The following LRP1B variants were observed in gnomAD, a reference collection of about 807,000 sequenced individuals.
The protein encoded by LRP1B is low-density lipoprotein receptor-related protein 1B.
In LRP1B, 217 loss-of-function variants were observed where a neutral mutation model predicts 556.6. The observed-to-expected ratio is 0.39, with a 90% CI of 0.35 to 0.44. The LOEUF (loss-of-function observed/expected upper bound fraction) is 0.44. Ranked by LOEUF, LRP1B falls within the 20% of genes least tolerant of loss-of-function variation. The pLI, the probability that LRP1B is intolerant of heterozygous loss-of-function variation, is 1.00. For synonymous variants in LRP1B, 2,047 were observed against 1,865.8 expected (o/e 1.10, Z -2.50); for missense variants, 5,053 against 5,620.8 (o/e 0.90, Z 3.23).
intron 29 of LRP1B, among the ~76,000 whole-genome samples, chr2:140,848,221 T>C (rs1692335108): frequency 6.6e-6 from 1 of 152,176 alleles, no homozygotes. Flanking sequence ...ATTTCATCAG[T>C]CATTATTGTT....
chr2:141,893,341 C>T (rs919365421), intron 1 of LRP1B, among the ~76,000 whole-genome samples: 3 of 152,116 alleles, frequency 2.0e-5, no homozygotes, highest in Non-Finnish European at 4.4e-5. Context: ...GTTGGGATTA[C>T]AGGCGTGTGC....
In LRP1B at chr2:140,908,272, C is replaced by T. The variant is rs974124049; in HGVS notation, c.3320-195G>A. On this transcript the variant is annotated intron_variant, in intron 21 of 90. Transcript: ENST00000389484. ...TTTCTTGCCCTGGTCTTAAAGTGCT[C>T]TTATTGTTTGAGCTTTGATATTTTC... Among the ~76,000 whole-genome samples, 6 of 150,424 alleles carry T rather than the reference C, an allele frequency of 4.0e-5. No homozygotes were observed. In the Admixed American group the frequency reaches 4.0e-4, roughly 10 times the overall value.
intron 14 of LRP1B, among the ~76,000 whole-genome samples, chr2:141,011,976 A>C (rs925179971): frequency 6.6e-6 from 1 of 152,200 alleles, no homozygotes; most frequent in Non-Finnish European, 1.5e-5. Context: ...TACCTACCAT[A>C]ATTTGTTTGT....
chr2:141,317,790 G>A (rs559048231), intron 3 of LRP1B, among the ~76,000 whole-genome samples: 2 of 152,178 alleles, frequency 1.3e-5, no homozygotes, highest in Admixed American at 1.3e-4. Flanking sequence ...AAAGTTTGTT[G>A]TGAAAATTTG....
intron 41 of LRP1B, among the ~76,000 whole-genome samples, chr2:140,685,951 G>A (rs994196038): frequency 6.6e-6 from 1 of 152,130 alleles, no homozygotes; most frequent in Non-Finnish European, 1.5e-5. Context: ...GTTCTGAACG[G>A]TTTTAAAAGA....
At chr2:140,992,234 C>T (rs1009024359) in intron 16 of LRP1B, among the ~76,000 whole-genome samples, 4 of 151,256 alleles carry the variant, frequency 2.6e-5, no homozygotes, top group Non-Finnish European at 4.4e-5. Context: ...AAGAGTTCTC[C>T]AGGGGAAAAA....
chr2:141,889,016 G>A (rs1198839129), intron 1 of LRP1B, among the ~76,000 whole-genome samples: 1 of 152,078 alleles, frequency 6.6e-6, no homozygotes, highest in Non-Finnish European at 1.5e-5. Flanking sequence ...AAACCAGTGT[G>A]TTTGGGGTAC....
intron 3 of LRP1B, among the ~76,000 whole-genome samples, chr2:141,398,886 T>G (rs1237015065): frequency 1.3e-5 from 2 of 152,202 alleles, no homozygotes; most frequent in Non-Finnish European, 1.5e-5. Context: ...TTACAGACAC[T>G]AAGCCAGTTC....
chr2:141,585,466 T>TGTGTGTGTGA lies in LRP1B; in HGVS notation c.206-104934_206-104933insTCACACACAC, dbSNP rs1553538855. ...GTGTGTGTGTGTGTGTGTGTGTGTGTGTGATGGGGTGGGGCTGAGGAAGAA... is the reference window on the plus strand; with the variant it reads ...GTGTGTGTGTGTGTGTGTGTGTGTGTGTGTGTGTGAGTGATGGGGTGGGGCTGAGGAAGAA... On this transcript the variant is annotated intron_variant, in intron 2 of 90. Coordinates refer to ENST00000389484, the MANE Select transcript of LRP1B (RefSeq NM_018557.3). 6.7e-4 allele frequency among the ~76,000 whole-genome samples: 98 copies of TGTGTGTGTGA among 145,542 alleles called. 1 individual carries two copies. The South Asian group carries it at 7.7e-3, about 11-fold the overall frequency.
At chr2:140,634,959 A>G (rs1559021025) in intron 41 of LRP1B, among the ~76,000 whole-genome samples, 1 of 152,138 alleles carries the variant, frequency 6.6e-6, no homozygotes. Context: ...AACTTTTGTC[A>G]ATAAAAATGT....
intron 7 of LRP1B, among the ~76,000 whole-genome samples, chr2:141,185,485 GA>G (rs1175959637): frequency 1.3e-5 from 2 of 151,950 alleles, no homozygotes; most frequent in African/African-American, 4.8e-5. Flanking sequence ...AAAGGAAGAA[GA>G]AAATCTCTAG....
chr2:141,439,087 A>C (rs1680868021), intron 3 of LRP1B, among the ~76,000 whole-genome samples: 1 of 152,278 alleles, frequency 6.6e-6, no homozygotes, highest in African/African-American at 2.4e-5. Context: ...AACCTGAAAA[A>C]CAACCCATAC....
At chr2:140,742,600 T>C (rs941729201) in intron 35 of LRP1B, among the ~76,000 whole-genome samples, 3 of 151,952 alleles carry the variant, frequency 2.0e-5, no homozygotes, top group Non-Finnish European at 2.9e-5. Flanking sequence ...TTTTTTAATC[T>C]ATTATAAATT....
chr2:140,468,000 G>A (rs1573972188), intron 60 of LRP1B, among the ~76,000 whole-genome samples: 1 of 152,194 alleles, frequency 6.6e-6, no homozygotes, highest in South Asian at 2.1e-4. Context: ...GGGATCATTT[G>A]ATAAAGAGAT....
chr2:140,955,955 T>C (rs1695859718), intron 18 of LRP1B, among the ~76,000 whole-genome samples: 1 of 151,754 alleles, frequency 6.6e-6, no homozygotes, highest in Non-Finnish European at 1.5e-5. Flanking sequence ...TTTGAGATCA[T>C]GTAACACATG....
chr2:140,867,506 G>T (rs531067852), intron 27 of LRP1B, 84 bp downstream of exon 27: 1 of 1,366,982 alleles, frequency 7.3e-7, no homozygotes, highest in Non-Finnish European at 9.8e-7. Context: ...TTAACTTATA[G>T]AAGTTATTTT....
At chr2:140,455,394 T>A (rs1181908470) in intron 62 of LRP1B, among the ~76,000 whole-genome samples, 11 of 152,174 alleles carry the variant, frequency 7.2e-5, no homozygotes. Flanking sequence ...TAACAACACC[T>A]ACTATGTACC....
intron 1 of LRP1B, among the ~76,000 whole-genome samples, chr2:141,984,475 A>T (rs1435605): frequency 3.9e-5 from 6 of 151,982 alleles, no homozygotes; most frequent in Admixed American, 2.6e-4. Context: ...ATTGTAATTC[A>T]GGCTCAAAAT....
At chr2:140,486,870 C>T (rs1415384959) in intron 58 of LRP1B, among the ~76,000 whole-genome samples, 1 of 151,794 alleles carries the variant, frequency 6.6e-6, no homozygotes, top group Non-Finnish European at 1.5e-5. Context: ...TACATGCACA[C>T]TTTAAGATCT....
Sources: allele counts gnomAD v4.1 joint callset (sites outside exome capture counted in the v4.1 genomes callset), GRCh38; gene constraint gnomAD v4.1.1; transcripts MANE v1.5; gene names NCBI Gene and HGNC (gene_info 2026-07-23, HGNC 2026-07-21).